CDH12: variants seen among roughly 807,000 people sequenced by gnomAD.
The protein encoded by CDH12 is cadherin 12.
A neutral mutation model predicts 74.1 loss-of-function variants in CDH12; 41 were observed. The observed-to-expected ratio is 0.55, with a 90% CI of 0.43 to 0.72. CDH12 has a LOEUF of 0.72. Among genes scored for constraint, CDH12 ranks in the 30% least tolerant of loss-of-function variants. The probability of loss-of-function intolerance (pLI) is 0.00; values close to 1 mark genes in which losing one functional copy is unlikely to be tolerated. For missense variants in CDH12, 945 were observed against 977.2 expected, an observed-to-expected ratio of 0.97 and a Z score of 0.44; for synonymous variants, 399 against 355.0, an observed-to-expected ratio of 1.12 and a Z score of -1.39.
chr5:22,677,689 T>C (rs1354619492), intron 1 of CDH12, among the ~76,000 whole-genome samples: 1 of 152,148 alleles, frequency 6.6e-6, no homozygotes, highest in Non-Finnish European at 1.5e-5. Context: ...AGGATAAAGA[T>C]GGCCTATGAA....
At chr5:21,929,027 G>T (rs1007105643) in intron 6 of CDH12, among the ~76,000 whole-genome samples, 5 of 151,570 alleles carry the variant, frequency 3.3e-5, no homozygotes, top group Admixed American at 2.6e-4. Context: ...CAGATTTTTG[G>T]CATGGAAGAG....
At chr5:22,673,954 C>T (rs963125665) in intron 1 of CDH12, among the ~76,000 whole-genome samples, 2 of 152,104 alleles carry the variant, frequency 1.3e-5, no homozygotes, top group South Asian at 2.1e-4. Context: ...TTATGCAATA[C>T]CAAGTCTGTG....
At chr5:22,356,589 T>C (rs1740571104) in intron 3 of CDH12, among the ~76,000 whole-genome samples, 1 of 152,160 alleles carries the variant, frequency 6.6e-6, no homozygotes, top group South Asian at 2.1e-4. Context: ...TCGCAATAAA[T>C]ATATCTGATG....
At chr5:21,933,828 G>A (rs1245957170) in intron 6 of CDH12, among the ~76,000 whole-genome samples, 2 of 152,168 alleles carry the variant, frequency 1.3e-5, no homozygotes, top group African/African-American at 4.8e-5. Context: ...GTAAGGCAGG[G>A]AGAATTCATT....
At chr5:22,519,961 C>T (rs548809187) in intron 1 of CDH12, among the ~76,000 whole-genome samples, 66 of 152,144 alleles carry the variant, frequency 4.3e-4, no homozygotes, top group African/African-American at 1.4e-3. Context: ...AAATAATAGA[C>T]TTGTTTTTTT....
intron 5 of CDH12, among the ~76,000 whole-genome samples, chr5:22,056,522 C>T (rs113046180): frequency 1.6e-4 from 24 of 152,252 alleles, no homozygotes; most frequent in Admixed American, 1.2e-3. Flanking sequence ...AAGAAATAAT[C>T]GTGGAAATGA....
intron 1 of CDH12, among the ~76,000 whole-genome samples, chr5:22,570,228 G>A (rs2126764637): frequency 6.6e-6 from 1 of 151,694 alleles, no homozygotes; most frequent in Admixed American, 6.6e-5. Flanking sequence ...GCTAATTTTT[G>A]TATTTTTACT....
At chr5:21,829,074 C>T (rs6879045) in intron 8 of CDH12, among the ~76,000 whole-genome samples, 91,387 of 152,110 alleles carry the variant, frequency 0.6, 29,707 homozygotes, top group Non-Finnish European at 0.73. Context: ...GGCAGGCAGT[C>T]AGCTGAGGTC....
intron 12 of CDH12, among the ~76,000 whole-genome samples, chr5:21,762,915 G>A (rs1744808290): frequency 7.0e-6 from 1 of 142,006 alleles, no homozygotes; most frequent in African/African-American, 2.6e-5. Context: ...GAGGCATCCT[G>A]AAAGTGGAAA....
chr5:22,815,599 A>T (rs1445242920), intron 1 of CDH12, among the ~76,000 whole-genome samples: 1 of 151,624 alleles, frequency 6.6e-6, no homozygotes, highest in East Asian at 1.9e-4. Context: ...GTGAAACCCC[A>T]TCTCTACTAA....
chr5:22,759,847 G>A (rs1746115579), intron 1 of CDH12, among the ~76,000 whole-genome samples: 2 of 152,136 alleles, frequency 1.3e-5, no homozygotes, highest in Admixed American at 1.3e-4. Context: ...GGGTAGGTGG[G>A]CAAGCTGGGA....
chr5:22,587,839 T>C (rs895303427), intron 1 of CDH12, among the ~76,000 whole-genome samples: 2 of 149,780 alleles, frequency 1.3e-5, no homozygotes, highest in African/African-American at 4.9e-5. Context: ...GAGAACTTTT[T>C]TGGTGGAGAT....
chr5:22,054,290 T>C (rs1467382846), intron 5 of CDH12, among the ~76,000 whole-genome samples: 1 of 152,182 alleles, frequency 6.6e-6, no homozygotes, highest in African/African-American at 2.4e-5. Context: ...AGGTATTTTC[T>C]AGAGCTAGAG....
At chr5:22,427,154 C>G (rs1399759892) in intron 2 of CDH12, among the ~76,000 whole-genome samples, 8 of 152,026 alleles carry the variant, frequency 5.3e-5, no homozygotes, top group Admixed American at 5.2e-4. Flanking sequence ...AAACCCTATA[C>G]TTTTAGAGAA....
At chr5:22,150,854 T>A (rs1580326964) in intron 4 of CDH12, among the ~76,000 whole-genome samples, 1 of 152,122 alleles carries the variant, frequency 6.6e-6, no homozygotes, top group Non-Finnish European at 1.5e-5. Context: ...TCTTAACAGG[T>A]CAAGCTTAAG....
At chr5:22,771,885 AT>A (rs769968912) in intron 1 of CDH12, among the ~76,000 whole-genome samples, 21 of 152,062 alleles carry the variant, frequency 1.4e-4, no homozygotes, top group Non-Finnish European at 2.9e-4. Flanking sequence ...AGGTTAGTTC[AT>A]TCCCTAAAAC....
intron 6 of CDH12, among the ~76,000 whole-genome samples, chr5:21,945,467 A>T (rs994931016): frequency 7.0e-6 from 1 of 143,252 alleles, no homozygotes; most frequent in Non-Finnish European, 1.5e-5. Context: ...AAGAGGTTGG[A>T]ATTATCTAAC....
At chr5:22,586,064 A>G (rs1370211654) in intron 1 of CDH12, among the ~76,000 whole-genome samples, 2 of 152,216 alleles carry the variant, frequency 1.3e-5, no homozygotes, top group Admixed American at 1.3e-4. Context: ...GGCACTATTC[A>G]GAATAGCAAA....
In CDH12 at chr5:22,305,342, C is replaced by T. The variant is rs1738058155; in HGVS notation, c.-332-92699G>A. 2.6e-5 allele frequency among the ~76,000 whole-genome samples: 4 copies of T among 152,142 alleles called. No homozygotes were observed. In the South Asian group the frequency reaches 8.3e-4, roughly 32 times the overall value. On this transcript the variant is annotated intron_variant, in intron 3 of 14. Coordinates refer to ENST00000382254, the MANE Select transcript of CDH12 (RefSeq NM_004061.5). Reference sequence around the variant, plus strand: ...TGATAACAAAGCCTCAATTCAGGTACTTCGGCATTATTATCACAGGTTGGA... The same window carrying T: ...TGATAACAAAGCCTCAATTCAGGTATTTCGGCATTATTATCACAGGTTGGA...
Sources: allele counts gnomAD v4.1 joint callset (sites outside exome capture counted in the v4.1 genomes callset), GRCh38; gene constraint gnomAD v4.1.1; transcripts MANE v1.5; gene names NCBI Gene and HGNC (gene_info 2026-07-23, HGNC 2026-07-21).